PDE4A: variants seen among roughly 807,000 people sequenced by gnomAD.
The protein encoded by PDE4A is phosphodiesterase 4A.
PDE4A carries 21 observed loss-of-function variants against 73.9 expected under a neutral mutation model. That is an observed-to-expected ratio of 0.28 (90% CI 0.20 to 0.41). The LOEUF (loss-of-function observed/expected upper bound fraction) is 0.41. Ranked by LOEUF, PDE4A falls within the 10% of genes least tolerant of loss-of-function variation. PDE4A has a pLI of 1.00. For missense variants in PDE4A, 958 were observed against 1,211.4 expected (o/e 0.79, Z 3.10); for synonymous variants, 463 against 505.4 (o/e 0.92, Z 1.13).
chr19:10,432,539 C>T (rs1357161427), intron 1 of PDE4A: 20 of 1,524,442 alleles, frequency 1.3e-5, no homozygotes, highest in Non-Finnish European at 1.6e-5. Flanking sequence ...GCGATGAGGA[C>T]ACCCGTCGGC....
Position 10,457,967 on chromosome 19 carries a change from C to T in PDE4A, c.966C>T (p.Pro322=). Residue 322 remains proline, a synonymous_variant, in exon 8 of 15, where the codon CCC becomes CCT. Transcript: ENST00000380702. ...QAPRPRPSQP[P]PPPVPHLQPM... ...CGCGACCAAGACCCTCCCAGCCGCC[C>T]CCGCCCCCTGTACCACACTTACAGC... 1 of 1,613,862 alleles carries T rather than the reference C, an allele frequency of 6.2e-7. No individual in the cohort carries two copies. The highest frequency in any genetic ancestry group is 1.3e-5 in the African/African-American group (1 of 75,022).
At chr19:10,464,450 A>G (rs746500672) in intron 14 of PDE4A, 6 of 454,452 alleles carry the variant, frequency 1.3e-5, no homozygotes, top group African/African-American at 4.0e-5. Flanking sequence ...CGGGTCTTGC[A>G]CTGTTGCCCA....
At chr19:10,449,567 C>T (rs2043061809) in intron 4 of PDE4A, among the ~76,000 whole-genome samples, 1 of 151,970 alleles carries the variant, frequency 6.6e-6, no homozygotes, top group Non-Finnish European at 1.5e-5. Context: ...ACCATGTTGG[C>T]CAGGCTGGTC....
upstream of PDE4A, chr19:10,417,394 G>C (rs2042598557): frequency 1.0e-6 from 1 of 985,208 alleles, no homozygotes; most frequent in Non-Finnish European, 1.2e-6. Context: ...TCACACTTGA[G>C]ACAGAATGTC....
rs1380029803 is a variant in PDE4A at position 10,457,932 on chromosome 19, C to G, written c.931C>G (p.Gln311Glu). ...ACCCACGATGAAGGAACGAGAAAAA[C>G]AGCAAGCGCCGCGACCAAGACCCTC... is the stretch of plus-strand genomic sequence containing the variant. ...PSPTMKEREK[Q>E]QAPRPRPSQP... Residue 311 changes from glutamine (Q) to glutamate (E), a missense_variant, in exon 8 of 15, where the codon CAG becomes GAG. Gln to Glu is a conservative substitution (Grantham distance 29). This residue lies in a region of PDE4A where 570 missense variants were observed against 827.7 expected (regional missense o/e 0.69). Transcript: ENST00000380702. The G allele has an allele frequency of 6.2e-7, 1 of 1,613,116 alleles. No individual in the cohort carries two copies. Among genetic ancestry groups the G allele is most frequent in the Admixed American group, 1.7e-5 (1 of 60,010 alleles).
intron 5 of PDE4A, 55 bp from the exon 6 acceptor site, chr19:10,450,774 C>T (rs1242444116): frequency 1.2e-5 from 19 of 1,578,710 alleles, no homozygotes; most frequent in Middle Eastern, 1.7e-4. Context: ...TCTGGAGCCT[C>T]TGGGCTTCTG....
chr19:10,448,269 T>G (rs2043041245), intron 2 of PDE4A, among the ~76,000 whole-genome samples: 1 of 151,828 alleles, frequency 6.6e-6, no homozygotes, highest in African/African-American at 2.4e-5. Context: ...CCAGCTAATT[T>G]TTGTATTTTT....
chr19:10,438,660 T>C (rs778422850), intron 1 of PDE4A, among the ~76,000 whole-genome samples: 1 of 152,142 alleles, frequency 6.6e-6, no homozygotes, highest in Admixed American at 6.5e-5. Context: ...CAAGCTGGAA[T>C]GCAATGTCCC....
chr19:10,427,799 C>T, intron 1 of PDE4A: 2 of 985,032 alleles, frequency 2.0e-6, no homozygotes, highest in South Asian at 9.4e-5. Flanking sequence ...CAAAACAATT[C>T]AGGGAAGCTA....
chr19:10,462,044 G>A (rs1251050380), intron 13 of PDE4A, 45 bp downstream of exon 13: 1 of 1,540,098 alleles, frequency 6.5e-7, no homozygotes, highest in Non-Finnish European at 8.9e-7. Context: ...CACTCCCCCA[G>A]CCACACCTTT....
In PDE4A at chr19:10,468,074, C is replaced by T. The variant is rs1483955546; in HGVS notation, c.*453C>T. ...TACCTGGGCCCAAGCAGGTGTGGGG[C>T]CTCCTTCTGGGCTTTTCTTCTGAAT... On this transcript the variant is annotated 3_prime_UTR_variant, in exon 15 of 15. Coordinates refer to ENST00000380702, the MANE Select transcript of PDE4A (RefSeq NM_001111307.2). The T allele has an allele frequency of 6.5e-6, 1 of 153,692 alleles. No homozygotes were observed. Among genetic ancestry groups the T allele is most frequent in the Non-Finnish European group, 1.5e-5 (1 of 68,896 alleles). 9.5% of individuals were successfully genotyped at this position (153,692 alleles called of 1,614,324 possible). A position where few individuals can be genotyped will look rare whatever the true frequency, so the allele number is the denominator to read the frequency against.
chr19:10,444,250 C>A (rs569031380), intron 1 of PDE4A, among the ~76,000 whole-genome samples: 35 of 152,018 alleles, frequency 2.3e-4, no homozygotes, highest in Admixed American at 9.9e-4. Context: ...CATGGTGGCC[C>A]ACACCTGTAA....
intron 1 of PDE4A, among the ~76,000 whole-genome samples, chr19:10,438,990 C>T (rs371749241): frequency 2.0e-5 from 3 of 152,152 alleles, no homozygotes; most frequent in East Asian, 1.9e-4. Context: ...TTTTGTTGAT[C>T]CATTCATCTG....
At chr19:10,452,763 T>G (rs1296770143) in intron 6 of PDE4A, among the ~76,000 whole-genome samples, 3 of 152,090 alleles carry the variant, frequency 2.0e-5, no homozygotes, top group African/African-American at 7.2e-5. Flanking sequence ...AAAGTGGATG[T>G]GTGTTTCTGT....
chr19:10,433,192 C>T (rs1036875729), intron 1 of PDE4A, among the ~76,000 whole-genome samples: 4 of 151,928 alleles, frequency 2.6e-5, no homozygotes, highest in African/African-American at 7.3e-5. Context: ...CAGGGCAATC[C>T]GGGTCACCTG....
intron 1 of PDE4A, among the ~76,000 whole-genome samples, chr19:10,442,681 A>ACTATTC (rs1223399859): frequency 6.6e-6 from 1 of 151,340 alleles, no homozygotes; most frequent in African/African-American, 2.4e-5. Context: ...TATTACTATT[A>ACTATTC]TTACCTTATT....
chr19:10,445,491 G>T (rs1005347142), intron 1 of PDE4A, among the ~76,000 whole-genome samples: 2 of 152,092 alleles, frequency 1.3e-5, no homozygotes, highest in South Asian at 4.1e-4. Flanking sequence ...CACTTGGTTG[G>T]GCGCAGTGGC....
chr19:10,452,438 C>CAA (rs562410531), intron 6 of PDE4A, among the ~76,000 whole-genome samples: 2 of 128,212 alleles, frequency 1.6e-5, no homozygotes, highest in Non-Finnish European at 3.3e-5. Flanking sequence ...AACTCCGTCT[C>CAA]AAAAAAAAAA....
chr19:10,416,788 G>A, upstream of PDE4A: 3 of 1,512,470 alleles, frequency 2.0e-6, no homozygotes, highest in Admixed American at 2.0e-5. Context: ...CGCCCCAGGA[G>A]AGGCAATAGG....
Sources: allele counts gnomAD v4.1 joint callset (sites outside exome capture counted in the v4.1 genomes callset), GRCh38; gene constraint gnomAD v4.1.1; regional missense constraint gnomAD v4.1.1; transcripts MANE v1.5; gene names NCBI Gene and HGNC (gene_info 2026-07-23, HGNC 2026-07-21).